SRGAP3: variants seen among roughly 807,000 people sequenced by gnomAD.
The protein encoded by SRGAP3 is SLIT-ROBO Rho GTPase activating protein 3.
SRGAP3 carries 39 observed loss-of-function variants against 121.1 expected under a neutral mutation model. The ratio of observed to expected loss-of-function variants is 0.32; its 90% CI spans 0.25 to 0.42. The LOEUF (loss-of-function observed/expected upper bound fraction) is 0.42. SRGAP3 is among the 10% of genes least tolerant of loss of function. The probability of loss-of-function intolerance (pLI) is 1.00; values close to 1 mark genes in which losing one functional copy is unlikely to be tolerated. For synonymous variants in SRGAP3, 601 were observed against 570.0 expected, an observed-to-expected ratio of 1.05 and a Z score of -0.77; for missense variants, 1,213 against 1,470.6, an observed-to-expected ratio of 0.82 and a Z score of 2.86.
At chr3:9,072,087 T>TCA in intron 4 of SRGAP3, among the ~76,000 whole-genome samples, 1 of 152,282 alleles carries the variant, frequency 6.6e-6, no homozygotes, top group South Asian at 2.1e-4. Context: ...TCCTTCCCTT[T>TCA]CAGCCTCCCC....
At chr3:9,266,384 A>G (rs1234814623) in intron 3 of SRGAP3, among the ~76,000 whole-genome samples, 2 of 152,240 alleles carry the variant, frequency 1.3e-5, no homozygotes, top group East Asian at 3.9e-4. Flanking sequence ...TTAAAAAAAA[A>G]AAATCTAAAT....
intron 1 of SRGAP3, among the ~76,000 whole-genome samples, chr3:9,221,294 G>A (rs1319668492): frequency 6.6e-6 from 1 of 152,188 alleles, no homozygotes; most frequent in Non-Finnish European, 1.5e-5. Flanking sequence ...CCTTTGGGAG[G>A]CTGAGGCAGG....
At chr3:9,203,325 G>C (rs1446729838) in intron 1 of SRGAP3, among the ~76,000 whole-genome samples, 4 of 152,132 alleles carry the variant, frequency 2.6e-5, no homozygotes, top group Admixed American at 2.0e-4. Context: ...CTTAGGTGCT[G>C]GGCACCCTGG....
At chr3:9,336,182 T>C (rs1368016393) in intron 1 of SRGAP3, among the ~76,000 whole-genome samples, 1 of 152,008 alleles carries the variant, frequency 6.6e-6, no homozygotes, top group Non-Finnish European at 1.5e-5. Flanking sequence ...TTTCAGAACT[T>C]GTCTTTTGGA....
intron 1 of SRGAP3, among the ~76,000 whole-genome samples, chr3:9,347,506 T>A (rs1955911624): frequency 6.6e-6 from 1 of 152,198 alleles, no homozygotes; most frequent in Non-Finnish European, 1.5e-5. Context: ...AATCTAAGCA[T>A]AAACAAGGCT....
chr3:8,990,846 A>G lies in SRGAP3; in HGVS notation c.2559-7T>C, dbSNP rs768946417. The G allele has an allele frequency of 6.6e-6, 10 of 1,515,824 alleles. No homozygotes were observed. In the African/African-American group the frequency reaches 1.4e-4, roughly 21 times the overall value. The allele number at this position is 1,515,824 out of a possible 1,614,324, so 93.9% of individuals were successfully genotyped here. A position where few individuals can be genotyped will look rare whatever the true frequency, so the allele number is the denominator to read the frequency against. On this transcript the variant is annotated splice_region_variant and splice_polypyrimidine_tract_variant and intron_variant, in intron 20 of 21. Transcript: ENST00000383836. ...ATCAGATCGTAACCGCACTCTGCAA[A>G]GGAGCCAGGGGGCGAGGGGCATGGG...
intron 3 of SRGAP3, among the ~76,000 whole-genome samples, chr3:9,276,426 TTG>T (rs1192848954): frequency 4.4e-5 from 5 of 113,490 alleles, no homozygotes; most frequent in Non-Finnish European, 7.6e-5. Context: ...TTTTGACTGT[TTG>T]TTTTTTTTTT....
intron 14 of SRGAP3, among the ~76,000 whole-genome samples, chr3:9,017,065 G>T (rs1378102881): frequency 6.6e-6 from 1 of 151,926 alleles, no homozygotes; most frequent in Admixed American, 6.6e-5. Flanking sequence ...TACTTTCCTT[G>T]ATCCAGATCT....
chr3:9,099,422 A>T (rs746512642), intron 3 of SRGAP3, among the ~76,000 whole-genome samples: 3 of 152,238 alleles, frequency 2.0e-5, no homozygotes, highest in Admixed American at 1.3e-4. Context: ...AGCTGAAGAA[A>T]ACAGAATGAG....
At chr3:9,167,405 G>A (rs145550670) in intron 1 of SRGAP3, among the ~76,000 whole-genome samples, 38 of 152,230 alleles carry the variant, frequency 2.5e-4, no homozygotes, top group Non-Finnish European at 4.7e-4. Context: ...CTGCTTCCCA[G>A]GAGTCATTTA....
chr3:9,251,535 C>T (rs1236371948), upstream of SRGAP3, among the ~76,000 whole-genome samples: 2 of 152,184 alleles, frequency 1.3e-5, no homozygotes, highest in African/African-American at 2.4e-5. Context: ...AGACTGGATC[C>T]TCTCCTGGCT....
chr3:9,080,771 G>T (rs1454514904), intron 3 of SRGAP3, among the ~76,000 whole-genome samples: 3 of 152,092 alleles, frequency 2.0e-5, no homozygotes, highest in African/African-American at 7.2e-5. Context: ...GGGGATCTAG[G>T]TTGCACGCTC....
chr3:9,071,768 C>T (rs1311091578), intron 4 of SRGAP3, among the ~76,000 whole-genome samples: 1 of 152,074 alleles, frequency 6.6e-6, no homozygotes, highest in African/African-American at 2.4e-5. Flanking sequence ...CATAGTTCTA[C>T]TGCCTCTGAT....
intron 1 of SRGAP3, among the ~76,000 whole-genome samples, chr3:9,182,641 T>G (rs1951453154): frequency 6.6e-6 from 1 of 152,150 alleles, no homozygotes; most frequent in Non-Finnish European, 1.5e-5. Flanking sequence ...TTTAAAATTT[T>G]TTTAATTTTT....
chr3:9,164,455 A>G (rs1950713442), intron 1 of SRGAP3, among the ~76,000 whole-genome samples: 1 of 151,940 alleles, frequency 6.6e-6, no homozygotes, highest in African/African-American at 2.4e-5. Context: ...ATGTCCCGCT[A>G]ATTTTTGTAC....
chr3:9,162,551 C>A (rs1456959739), intron 1 of SRGAP3, among the ~76,000 whole-genome samples: 1 of 152,182 alleles, frequency 6.6e-6, no homozygotes, highest in African/African-American at 2.4e-5. Context: ...TCCTTCTGGT[C>A]CACTTGCAGG....
intron 1 of SRGAP3, among the ~76,000 whole-genome samples, chr3:9,140,224 T>C (rs1374481442): frequency 2.0e-5 from 3 of 151,972 alleles, no homozygotes; most frequent in Non-Finnish European, 1.5e-5. Flanking sequence ...GGATACGGCA[T>C]AACTATGGAG....
intron 5 of SRGAP3, among the ~76,000 whole-genome samples, chr3:9,061,408 A>T (rs1450276523): frequency 1.3e-5 from 2 of 152,014 alleles, no homozygotes; most frequent in East Asian, 3.9e-4. Flanking sequence ...GGCAAAATTC[A>T]TTCCTGTCTC....
chr3:9,194,390 A>C (rs1951858186), intron 1 of SRGAP3: 1 of 152,226 alleles, frequency 6.6e-6, no homozygotes, highest in Admixed American at 6.5e-5. Context: ...TAAACAGATT[A>C]GATGAGCTAA....
Sources: allele counts gnomAD v4.1 joint callset (sites outside exome capture counted in the v4.1 genomes callset), GRCh38; gene constraint gnomAD v4.1.1; transcripts MANE v1.5; gene names NCBI Gene and HGNC (gene_info 2026-07-23, HGNC 2026-07-21).